RBFOX2: variants seen among roughly 807,000 people sequenced by gnomAD.
RBFOX2 encodes RNA binding fox-1 homolog 2.
In RBFOX2, 10 loss-of-function variants were observed where a neutral mutation model predicts 49.1. The ratio of observed to expected loss-of-function variants is 0.20; its 90% CI spans 0.13 to 0.35. RBFOX2 has a LOEUF of 0.35. Ranked by LOEUF, RBFOX2 falls within the 10% of genes least tolerant of loss-of-function variation. The pLI is 1.00. For missense variants in RBFOX2, 323 were observed against 486.9 expected (o/e 0.66, Z 3.17); for synonymous variants, 183 against 187.4 (o/e 0.98, Z 0.19).
intron 6 of RBFOX2, among the ~76,000 whole-genome samples, chr22:35,761,703 GGA>G (rs1938945243): frequency 1.3e-5 from 2 of 152,046 alleles, no homozygotes. Flanking sequence ...GATGTTGGGA[GGA>G]GGAAGATGGA....
At chr22:35,780,004 T>C (rs1944777024) in intron 3 of RBFOX2, among the ~76,000 whole-genome samples, 2 of 152,148 alleles carry the variant, frequency 1.3e-5, no homozygotes, top group South Asian at 4.1e-4. Flanking sequence ...TTATATAAGC[T>C]CTAATAATTC....
At chr22:35,799,071 T>C (rs921635047) in intron 2 of RBFOX2, among the ~76,000 whole-genome samples, 1 of 152,190 alleles carries the variant, frequency 6.6e-6, no homozygotes, top group Admixed American at 6.5e-5. Context: ...TAGTAAGTGT[T>C]TGTATCCATA....
At position 35,761,399 on chromosome 22, in the gene RBFOX2, T is replaced by A; in HGVS notation, c.661+16A>T. 6.2e-7 allele frequency: 1 copy of A among 1,613,800 alleles called. No homozygotes were observed. The highest frequency in any genetic ancestry group is 8.5e-7 in the Non-Finnish European group (1 of 1,179,722). On this transcript the variant is annotated intron_variant, in intron 7 of 11. Transcript: ENST00000405409. ...CAATTAAATAGCACAAGTGGAAACATTTACTTAAATACTACCTGCATATAA... is the reference window on the plus strand; with the variant it reads ...CAATTAAATAGCACAAGTGGAAACAATTACTTAAATACTACCTGCATATAA...
chr22:35,864,911 T>C (rs1159154720), intron 1 of RBFOX2, among the ~76,000 whole-genome samples: 2 of 152,232 alleles, frequency 1.3e-5, no homozygotes, highest in Admixed American at 6.5e-5. Flanking sequence ...ATATGCCTTC[T>C]CAGGAAATCC....
chr22:35,887,536 C>T (rs2046734134), intron 1 of RBFOX2, among the ~76,000 whole-genome samples: 1 of 152,142 alleles, frequency 6.6e-6, no homozygotes, highest in Non-Finnish European at 1.5e-5. Flanking sequence ...TCATCACATA[C>T]CTCAGCAGGG....
intron 2 of RBFOX2, among the ~76,000 whole-genome samples, chr22:35,791,189 A>G (rs1386486150): frequency 6.6e-6 from 1 of 152,136 alleles, no homozygotes; most frequent in Non-Finnish European, 1.5e-5. Flanking sequence ...GTTCGAGACC[A>G]GCCTGGCCAA....
At chr22:35,997,789 G>C (rs1382073383) in intron 1 of RBFOX2, 4 of 152,240 alleles carry the variant, frequency 2.6e-5, no homozygotes, top group Non-Finnish European at 4.4e-5. Flanking sequence ...CCAGGAGTTT[G>C]AATCAGCCTG....
intron 1 of RBFOX2, among the ~76,000 whole-genome samples, chr22:35,960,099 TA>T (rs2056036331): frequency 6.6e-6 from 1 of 152,232 alleles, no homozygotes; most frequent in African/African-American, 2.4e-5. Flanking sequence ...ACGCCAACTG[TA>T]CAGAACAGGG....
At chr22:35,844,614 C>A (rs956845699), upstream of RBFOX2, among the ~76,000 whole-genome samples, 3 of 151,846 alleles carry the variant, frequency 2.0e-5, no homozygotes, top group Admixed American at 6.6e-5. Context: ...CCTGTCTCAG[C>A]CTCCCAAGTA....
intron 1 of RBFOX2, among the ~76,000 whole-genome samples, chr22:36,026,396 C>T (rs2146606118): frequency 6.6e-6 from 1 of 152,256 alleles, no homozygotes; most frequent in South Asian, 2.1e-4. Flanking sequence ...CCTGCGAAGT[C>T]CCTACACACT....
At chr22:35,974,815 T>C (rs559257111) in intron 1 of RBFOX2, among the ~76,000 whole-genome samples, 1 of 152,216 alleles carries the variant, frequency 6.6e-6, no homozygotes, top group Non-Finnish European at 1.5e-5. Context: ...ATCTTACTGC[T>C]ACCACTTAAG....
chr22:35,756,228 C>A, intron 9 of RBFOX2, 84 bp from the exon 11 acceptor site: 1 of 1,287,740 alleles, frequency 7.8e-7, no homozygotes, highest in East Asian at 2.8e-5. Flanking sequence ...GCAGCATGCA[C>A]ATGCGCTCTA....
chr22:35,783,241 A>G (rs968823054), intron 2 of RBFOX2, among the ~76,000 whole-genome samples: 1 of 152,100 alleles, frequency 6.6e-6, no homozygotes, highest in Admixed American at 6.5e-5. Flanking sequence ...CAGAACAGGG[A>G]GCTCTCCGTG....
At chr22:35,864,454 G>A (rs1603425055) in intron 1 of RBFOX2, among the ~76,000 whole-genome samples, 2 of 152,248 alleles carry the variant, frequency 1.3e-5, no homozygotes, top group East Asian at 3.9e-4. Context: ...AATAACTAGA[G>A]GGAACATAAT....
chr22:35,960,046 C>T (rs1030108055), intron 1 of RBFOX2, among the ~76,000 whole-genome samples: 5 of 151,764 alleles, frequency 3.3e-5, no homozygotes, highest in South Asian at 2.1e-4. Context: ...ATTTTCAATC[C>T]GTGGTTGGTT....
At chr22:35,963,410 G>A (rs2056370798), upstream of RBFOX2, among the ~76,000 whole-genome samples, 3 of 152,092 alleles carry the variant, frequency 2.0e-5, no homozygotes. Context: ...GGTTCCACTG[G>A]CTAAGTATTA....
intron 1 of RBFOX2, among the ~76,000 whole-genome samples, chr22:35,972,337 T>C (rs1173359542): frequency 6.6e-6 from 1 of 152,052 alleles, no homozygotes; most frequent in East Asian, 1.9e-4. Flanking sequence ...GGCATAGTTC[T>C]CCTAGCATTC....
At chr22:35,793,817 CT>C (rs1948244059) in intron 2 of RBFOX2, among the ~76,000 whole-genome samples, 1 of 152,132 alleles carries the variant, frequency 6.6e-6, no homozygotes, top group South Asian at 2.1e-4. Context: ...TGTAAGCTAA[CT>C]TTTTTTAATA....
chr22:35,846,329 GTT>G (rs1036424534), intron 1 of RBFOX2, among the ~76,000 whole-genome samples: 4 of 88,788 alleles, frequency 4.5e-5, no homozygotes, highest in African/African-American at 1.2e-4. Flanking sequence ...AATTTATATA[GTT>G]GTGTGTGTGT....
Sources: gnomAD v4.1 joint callset for allele counts (sites outside exome capture counted in the v4.1 genomes callset) on GRCh38, gnomAD v4.1.1 for gene constraint, MANE v1.5 for transcripts, NCBI Gene and HGNC (gene_info 2026-07-23, HGNC 2026-07-21) for gene names.